Variants in SIL1 observed in about 807,000 individuals in gnomAD.
SIL1 encodes nucleotide exchange factor SIL1.
SIL1 carries 40 observed loss-of-function variants against 49.1 expected under a neutral mutation model. The ratio of observed to expected loss-of-function variants is 0.81; its 90% CI spans 0.63 to 1.06. The LOEUF (loss-of-function observed/expected upper bound fraction) is 1.06. SIL1 is among the 50% of genes least tolerant of loss of function. SIL1 has a pLI of 0.00. For synonymous variants in SIL1, 253 were observed against 250.8 expected (o/e 1.01, Z -0.08); for missense variants, 500 against 572.6 (o/e 0.87, Z 1.29).
At chr5:138,966,066 G>A (rs1403676814) in intron 7 of SIL1, among the ~76,000 whole-genome samples, 1 of 151,822 alleles carries the variant, frequency 6.6e-6, no homozygotes, top group Non-Finnish European at 1.5e-5. Context: ...GTCAAATGAG[G>A]GTTACTTCAT....
At chr5:138,967,006 C>T (rs769611269) in intron 7 of SIL1, among the ~76,000 whole-genome samples, 5 of 152,156 alleles carry the variant, frequency 3.3e-5, no homozygotes, top group African/African-American at 9.7e-5. Flanking sequence ...CTGTGAGTAT[C>T]GAGTGAGATA....
chr5:139,158,568 C>T, intron 1 of SIL1, among the ~76,000 whole-genome samples: 1 of 152,174 alleles, frequency 6.6e-6, no homozygotes, highest in East Asian at 1.9e-4. Flanking sequence ...CCTGCCTGAT[C>T]TCAGCAGGCT....
At chr5:139,155,699 G>A (rs1046595856) in intron 1 of SIL1, among the ~76,000 whole-genome samples, 1 of 152,000 alleles carries the variant, frequency 6.6e-6, no homozygotes, top group African/African-American at 2.4e-5. Flanking sequence ...ACCAGCCCAA[G>A]CACTGATAAA....
intron 7 of SIL1, chr5:139,014,364 T>A: frequency 8.6e-6 from 1 of 116,158 alleles, no homozygotes. Flanking sequence ...TGAAACTTCG[T>A]CTCAAAAAAA....
intron 1 of SIL1, chr5:139,188,181 C>G (rs1752108764): frequency 6.6e-6 from 1 of 152,136 alleles, no homozygotes; most frequent in Non-Finnish European, 1.5e-5. Flanking sequence ...CTGATAAGCA[C>G]AATATATAGG....
chr5:138,947,257 G>A lies in SIL1; in HGVS notation c.1246C>T (p.Pro416Ser), dbSNP rs1289464129. 1 of 1,613,566 alleles carries A rather than the reference G, an allele frequency of 6.2e-7. No homozygotes were observed. Among genetic ancestry groups the A allele is most frequent in the Non-Finnish European group, 8.5e-7 (1 of 1,180,018 alleles). ...CTGGCCAGTGTCCTGCCGAGCTGGG[G>A]GTCCTGACGGTAGCGGTCCCGGCAG... Reference protein sequence around the residue: ...TTCRDRYRQDPQLGRTLASLQ... With the variant: ...TTCRDRYRQDSQLGRTLASLQ... The change falls in exon 10 of 10, where the codon CCC becomes TCC. Residue 416 changes from proline to serine, a missense_variant. Pro to Ser is a moderately conservative substitution (Grantham distance 74, BLOSUM62 -1). Coordinates refer to ENST00000394817, the MANE Select transcript of SIL1 (RefSeq NM_022464.5). This position sits in a 1 kb window ranked among gnomAD's most constrained non-coding sequence, Gnocchi z 4.1.
At chr5:139,023,469 C>T (rs1349930999) in intron 6 of SIL1, among the ~76,000 whole-genome samples, 1 of 152,232 alleles carries the variant, frequency 6.6e-6, no homozygotes, top group African/African-American at 2.4e-5. Flanking sequence ...TGGTGGCACA[C>T]AGCTGAGGAG....
At chr5:139,007,585 T>C (rs1368346225) in intron 7 of SIL1, among the ~76,000 whole-genome samples, 12 of 63,140 alleles carry the variant, frequency 1.9e-4, no homozygotes, top group South Asian at 5.9e-4. Flanking sequence ...CAGTATGATA[T>C]TGGCTGTGGG....
chr5:139,003,871 G>C (rs1768049283), intron 7 of SIL1, among the ~76,000 whole-genome samples: 1 of 152,144 alleles, frequency 6.6e-6, no homozygotes, highest in African/African-American at 2.4e-5. Flanking sequence ...CCGTGAACAG[G>C]ACCTTAATGA....
At chr5:139,044,072 G>T (rs536108733) in intron 4 of SIL1, among the ~76,000 whole-genome samples, 1 of 152,140 alleles carries the variant, frequency 6.6e-6, no homozygotes. Flanking sequence ...AAGAACACTC[G>T]TCTTCTCTAA....
At chr5:139,002,675 C>T (rs1469004652) in intron 7 of SIL1, among the ~76,000 whole-genome samples, 1 of 152,162 alleles carries the variant, frequency 6.6e-6, no homozygotes, top group Non-Finnish European at 1.5e-5. Context: ...TCCTAGGGCA[C>T]AAATTGCTCC....
chr5:139,148,867 A>G (rs1235550418), intron 1 of SIL1, among the ~76,000 whole-genome samples: 1 of 152,168 alleles, frequency 6.6e-6, no homozygotes, highest in Non-Finnish European at 1.5e-5. Context: ...GCCCTCCTGC[A>G]AAGTAGGAGG....
chr5:139,099,492 A>G (rs550492434), intron 3 of SIL1, among the ~76,000 whole-genome samples: 1 of 152,316 alleles, frequency 6.6e-6, no homozygotes, highest in East Asian at 1.9e-4. Context: ...TTGTAGCAGC[A>G]CTGTTCACAA....
rs143684030 is a variant in SIL1 at position 138,998,636 on chromosome 5, A to C, written c.767+22535T>G. Among the ~76,000 whole-genome samples, 429 of 152,280 alleles carry C rather than the reference A, an allele frequency of 2.8e-3. 1 individual carries two copies. Among genetic ancestry groups the C allele is most frequent in the Non-Finnish European group, 4.7e-3 (323 of 68,020 alleles). ...TGTCTCACATGGTGACAGTGGGAGAAGGGAGCAGTCCCAGACTTTTAACCA... is the reference window on the plus strand; with the variant it reads ...TGTCTCACATGGTGACAGTGGGAGACGGGAGCAGTCCCAGACTTTTAACCA... On this transcript the variant is annotated intron_variant, in intron 7 of 9. Coordinates refer to ENST00000394817, the MANE Select transcript of SIL1 (RefSeq NM_022464.5).
At chr5:138,981,855 T>C (rs1041478706) in intron 7 of SIL1, among the ~76,000 whole-genome samples, 4 of 152,088 alleles carry the variant, frequency 2.6e-5, no homozygotes, top group Admixed American at 1.3e-4. Flanking sequence ...TCTCTCAGCA[T>C]TTATCACCAC....
intron 7 of SIL1, among the ~76,000 whole-genome samples, chr5:138,984,641 G>A (rs188250360): frequency 5.9e-5 from 9 of 152,270 alleles, no homozygotes; most frequent in Admixed American, 1.3e-4. Flanking sequence ...TTACAGGCAT[G>A]AGCCACTGCA....
chr5:138,951,794 C>G lies in SIL1; in HGVS notation c.858G>C (p.Lys286Asn). ...ILATEQPLTAKKKVLFALCSL... is the reference protein window; with the variant it reads ...ILATEQPLTANKKVLFALCSL... ...GAAGGGCATGGAAACACACCTTCTT[C>G]TTTGCAGTGAGCGGCTGCTCCGTGG... Residue 286 changes from lysine to asparagine, a missense_variant, in exon 8 of 10, where the codon AAG (lysine) becomes AAC (asparagine). Lys to Asn is a moderately conservative substitution (Grantham distance 94). Transcript: ENST00000394817. The G allele has an allele frequency of 6.2e-7, 1 of 1,614,088 alleles. No individual in the cohort carries two copies. Among genetic ancestry groups the G allele is most frequent in the Non-Finnish European group, 8.5e-7 (1 of 1,179,990 alleles).
chr5:139,143,344 C>CACACATATATATAT (rs1451727500), intron 1 of SIL1, among the ~76,000 whole-genome samples: 6 of 97,528 alleles, frequency 6.2e-5, no homozygotes, highest in African/African-American at 3.3e-4. Flanking sequence ...CACACACACA[C>CACACATATATATAT]ATATATATAT....
chr5:139,106,110 T>C (rs1264192564), intron 3 of SIL1, among the ~76,000 whole-genome samples: 1 of 152,216 alleles, frequency 6.6e-6, no homozygotes, highest in Admixed American at 6.5e-5. Flanking sequence ...GCCAGTTATT[T>C]TTCTGCTAGT....
Sources: gnomAD v4.1 joint callset for allele counts (sites outside exome capture counted in the v4.1 genomes callset) on GRCh38, gnomAD v4.1.1 for gene constraint, Gnocchi (gnomAD v3.1) non-coding constraint, MANE v1.5 for transcripts, NCBI Gene and HGNC (gene_info 2026-07-23, HGNC 2026-07-21) for gene names.